SEMA3A: variants seen among roughly 807,000 people sequenced by gnomAD.
SEMA3A encodes semaphorin-3A.
In SEMA3A, 29 loss-of-function variants were observed where a neutral mutation model predicts 97.9. The observed-to-expected ratio is 0.30, with a 90% confidence interval of 0.22 to 0.40. The LOEUF (loss-of-function observed/expected upper bound fraction) is 0.40. Among genes scored for constraint, SEMA3A ranks in the 10% least tolerant of loss-of-function variants. SEMA3A has a pLI of 1.00. For missense variants in SEMA3A, 763 were observed against 951.3 expected (o/e 0.80, Z 2.60); for synonymous variants, 321 against 323.7 (o/e 0.99, Z 0.09).
intron 3 of SEMA3A, among the ~76,000 whole-genome samples, chr7:84,213,851 C>T (rs979310549): frequency 1.3e-5 from 2 of 152,100 alleles, no homozygotes; most frequent in African/African-American, 4.8e-5. Context: ...ATAGTACTTT[C>T]ATTTCTAAAA....
intron 1 of SEMA3A, among the ~76,000 whole-genome samples, chr7:84,401,495 A>G (rs1441192831): frequency 6.6e-6 from 1 of 151,942 alleles, no homozygotes; most frequent in Non-Finnish European, 1.5e-5. Context: ...GAAATAGAAA[A>G]AAAAAAAAAA....
intron 1 of SEMA3A, among the ~76,000 whole-genome samples, chr7:84,453,184 G>A (rs1459531616): frequency 6.6e-6 from 1 of 151,600 alleles, no homozygotes; most frequent in Non-Finnish European, 1.5e-5. Context: ...TGACAAACGT[G>A]GAAAGAGAGA....
At chr7:84,189,836 A>G (rs1293743383) in intron 1 of SEMA3A, among the ~76,000 whole-genome samples, 1 of 151,748 alleles carries the variant, frequency 6.6e-6, no homozygotes, top group Non-Finnish European at 1.5e-5. Context: ...ACCCCAAATT[A>G]TAATACATGA....
At chr7:83,999,254 T>C (rs1402682436) in intron 12 of SEMA3A, among the ~76,000 whole-genome samples, 6 of 152,124 alleles carry the variant, frequency 3.9e-5, no homozygotes, top group African/African-American at 1.4e-4. Context: ...TTAAAAGTTA[T>C]TTAGTAGGTC....
At chr7:84,348,132 T>C (rs935716274) in intron 2 of SEMA3A, among the ~76,000 whole-genome samples, 2 of 152,134 alleles carry the variant, frequency 1.3e-5, no homozygotes, top group Non-Finnish European at 2.9e-5. Flanking sequence ...TTTAAAAAAG[T>C]CAATAAAAAA....
At chr7:84,210,963 T>C (rs992455865) in intron 3 of SEMA3A, among the ~76,000 whole-genome samples, 1 of 152,198 alleles carries the variant, frequency 6.6e-6, no homozygotes. Context: ...GAAACAGTGT[T>C]AGCACTTAGA....
chr7:83,957,962 A>G lies in SEMA3A; in HGVS notation c.*3409T>C, dbSNP rs1788332661. The G allele has an allele frequency of 6.6e-6, 1 of 152,044 alleles. No homozygotes were observed. The highest frequency in any genetic ancestry group is 2.1e-4 in the South Asian group (1 of 4,818). 9.4% of individuals were successfully genotyped at this position (152,044 alleles called of 1,614,324 possible). On this transcript the variant is annotated 3_prime_UTR_variant, in exon 17 of 17. Coordinates refer to ENST00000265362, the MANE Select transcript of SEMA3A (RefSeq NM_006080.3). Reference sequence around the variant, plus strand: ...GTTTTAAAATGAGCTAATAAAACAAAGATTTTAACATATTATACTAGTGGC... The same window carrying G: ...GTTTTAAAATGAGCTAATAAAACAAGGATTTTAACATATTATACTAGTGGC...
chr7:84,147,056 A>G (rs1796484392), intron 1 of SEMA3A, among the ~76,000 whole-genome samples: 1 of 152,230 alleles, frequency 6.6e-6, no homozygotes, highest in African/African-American at 2.4e-5. Flanking sequence ...TCAAATAACC[A>G]TATTTCACAT....
At chr7:84,178,983 C>A (rs983893861) in intron 1 of SEMA3A, among the ~76,000 whole-genome samples, 1 of 151,862 alleles carries the variant, frequency 6.6e-6, no homozygotes, top group African/African-American at 2.4e-5. Context: ...TTCTTTGATT[C>A]CTACTTCAAA....
chr7:84,347,678 G>C (rs577723505), intron 2 of SEMA3A, among the ~76,000 whole-genome samples: 1 of 152,132 alleles, frequency 6.6e-6, no homozygotes, highest in South Asian at 2.1e-4. Flanking sequence ...CCAAAGTGCT[G>C]GAATTACAGG....
At chr7:84,417,869 T>C (rs1804476235) in intron 1 of SEMA3A, among the ~76,000 whole-genome samples, 1 of 152,138 alleles carries the variant, frequency 6.6e-6, no homozygotes, top group Non-Finnish European at 1.5e-5. Context: ...GCTGAATGTA[T>C]GTATTTAACA....
At chr7:84,270,645 C>T (rs1800124300) in intron 3 of SEMA3A, among the ~76,000 whole-genome samples, 1 of 146,720 alleles carries the variant, frequency 6.8e-6, no homozygotes, top group African/African-American at 2.5e-5. Flanking sequence ...CATATATATG[C>T]ATCTATATTC....
chr7:84,171,400 T>TA (rs1797377970), intron 1 of SEMA3A, among the ~76,000 whole-genome samples: 1 of 152,112 alleles, frequency 6.6e-6, no homozygotes, highest in African/African-American at 2.4e-5. Context: ...CTGAGGGACT[T>TA]ACAACACTTA....
At chr7:84,412,206 G>A (rs1444063214) in intron 1 of SEMA3A, among the ~76,000 whole-genome samples, 1 of 152,150 alleles carries the variant, frequency 6.6e-6, no homozygotes, top group East Asian at 1.9e-4. Context: ...TCATGCATGA[G>A]GCTACAGGAG....
intron 1 of SEMA3A, among the ~76,000 whole-genome samples, chr7:84,483,384 TG>T (rs2116438190): frequency 6.6e-6 from 1 of 152,282 alleles, no homozygotes; most frequent in African/African-American, 2.4e-5. Flanking sequence ...GTAACCCTAA[TG>T]TTGGGTATCC....
intron 6 of SEMA3A, among the ~76,000 whole-genome samples, chr7:84,038,219 G>A (rs1489515980): frequency 1.3e-5 from 2 of 152,014 alleles, no homozygotes; most frequent in Admixed American, 6.6e-5. Flanking sequence ...CTAAGGAAAG[G>A]ACATAGATCA....
At chr7:84,246,051 C>T (rs1234317376) in intron 3 of SEMA3A, among the ~76,000 whole-genome samples, 4 of 152,186 alleles carry the variant, frequency 2.6e-5, no homozygotes, top group Non-Finnish European at 5.9e-5. Context: ...AAATGCCCTG[C>T]CCGGGGTGGG....
intron 3 of SEMA3A, among the ~76,000 whole-genome samples, chr7:84,255,251 C>T (rs1799692853): frequency 6.6e-6 from 1 of 152,100 alleles, no homozygotes; most frequent in Non-Finnish European, 1.5e-5. Context: ...CTTTTGATAG[C>T]TGCGTATATA....
chr7:84,318,877 A>C (rs561580038), intron 2 of SEMA3A, among the ~76,000 whole-genome samples: 17 of 152,280 alleles, frequency 1.1e-4, no homozygotes, highest in Middle Eastern at 6.8e-3. Context: ...TAATGCAAAT[A>C]AACAAGGCCA....
Sources: allele counts gnomAD v4.1 joint callset (sites outside exome capture counted in the v4.1 genomes callset), GRCh38; gene constraint gnomAD v4.1.1; transcripts MANE v1.5; gene names NCBI Gene and HGNC (gene_info 2026-07-23, HGNC 2026-07-21).